The following ATF1 variants were observed in gnomAD, a reference collection of about 807,000 sequenced individuals.
ATF1 encodes the protein cyclic AMP-dependent transcription factor ATF-1.
ATF1 carries 16 observed loss-of-function variants against 34.7 expected under a neutral mutation model. That is an observed-to-expected ratio of 0.46 (90% CI 0.31 to 0.70). ATF1 has a LOEUF of 0.70. ATF1 is among the 30% of genes least tolerant of loss of function. The probability of loss-of-function intolerance (pLI) is 0.05; values close to 1 mark genes in which losing one functional copy is unlikely to be tolerated. For missense variants in ATF1, 255 were observed against 321.6 expected (o/e 0.79, Z 1.58); for synonymous variants, 105 against 113.1 (o/e 0.93, Z 0.46).
chr12:50,806,057 A>G (rs747614587), intron 3 of ATF1, among the ~76,000 whole-genome samples: 1 of 151,368 alleles, frequency 6.6e-6, no homozygotes, highest in Non-Finnish European at 1.5e-5. Flanking sequence ...AGGCTGAGGC[A>G]GGAGAATTGC....
intron 1 of ATF1, among the ~76,000 whole-genome samples, chr12:50,767,800 T>TACTCTAG (rs1277397974): frequency 1.3e-5 from 2 of 152,134 alleles, no homozygotes; most frequent in Non-Finnish European, 2.9e-5. Context: ...CAAAATTAAC[T>TACTCTAG]ACTCTAGACT....
intron 1 of ATF1, among the ~76,000 whole-genome samples, chr12:50,766,959 C>T (rs910121130): frequency 6.6e-6 from 1 of 152,154 alleles, no homozygotes; most frequent in Admixed American, 6.5e-5. Flanking sequence ...TTAAGCCTTG[C>T]TAGTTTGATA....
In ATF1 at chr12:50,771,838, C is replaced by T. The variant is rs374449068; in HGVS notation, c.-7+7531C>T. Among the ~76,000 whole-genome samples, 6 of 152,270 alleles carry T rather than the reference C, an allele frequency of 3.9e-5. No individual in the cohort carries two copies. The East Asian group carries it at 9.6e-4, about 24-fold the overall frequency. ...GGCCACGAGAGTGACCTCTGGTCGT[C>T]GTCACTGCTGTGCTCCCACCAGCGC... On this transcript the variant is annotated intron_variant, in intron 1 of 6. Coordinates refer to ENST00000262053, the MANE Select transcript of ATF1 (RefSeq NM_005171.5).
intron 1 of ATF1, among the ~76,000 whole-genome samples, chr12:50,771,659 G>A (rs1940774114): frequency 6.6e-6 from 1 of 152,154 alleles, no homozygotes; most frequent in Non-Finnish European, 1.5e-5. Flanking sequence ...TGGGTAAAAT[G>A]AGGCTAAAAC....
At position 50,784,316 on chromosome 12, in the gene ATF1, G is replaced by A. The variant is rs566960282; in HGVS notation, c.93+4078G>A. On this transcript the variant is annotated intron_variant, in intron 2 of 6. Transcript: ENST00000262053. ...AACAAAACCTATCAGTTGGTAATAT[G>A]TGCCATGGAGACAAATAAAGCAGGA... is the stretch of plus-strand genomic sequence containing the variant. Among the ~76,000 whole-genome samples the A allele has an allele frequency of 6.6e-5, 10 of 152,306 alleles. No individual in the cohort carries two copies. The South Asian group carries it at 2.1e-3, about 32-fold the overall frequency.
At chr12:50,796,587 G>T (rs1426300205) in intron 3 of ATF1, among the ~76,000 whole-genome samples, 1 of 151,942 alleles carries the variant, frequency 6.6e-6, no homozygotes, top group African/African-American at 2.4e-5. Flanking sequence ...TGTAATCCCA[G>T]CTACTTGGGA....
chr12:50,813,485 A>G (rs1342812996), intron 4 of ATF1, among the ~76,000 whole-genome samples: 2 of 152,296 alleles, frequency 1.3e-5, no homozygotes, highest in South Asian at 2.1e-4. Context: ...ATTACAAACT[A>G]TGTTTATGTT....
In ATF1 at chr12:50,814,374, C is replaced by T. The variant is rs1403206640; in HGVS notation, c.606C>T (p.Leu202=). 2 of 1,614,122 alleles carry T rather than the reference C, an allele frequency of 1.2e-6. No individual in the cohort carries two copies. The highest frequency in any genetic ancestry group is 1.7e-5 in the Admixed American group (1 of 60,020). ...QTVVMTSPVT[L]TSQTTKTDDP... is the part of the protein sequence containing the mutation. ...TGGTGATGACATCTCCTGTGACTCTCACCTCTCAGACAACTAAGACAGATG... is the reference window on the plus strand; with the variant it reads ...TGGTGATGACATCTCCTGTGACTCTTACCTCTCAGACAACTAAGACAGATG... Residue 202 remains leucine (L), a synonymous_variant, in exon 6 of 7, where the codon CTC becomes CTT. Coordinates refer to ENST00000262053, the MANE Select transcript of ATF1 (RefSeq NM_005171.5).
rs113868401 is a variant in ATF1 at position 50,786,638 on chromosome 12, T to C, written c.93+6400T>C. Among the ~76,000 whole-genome samples, 23 of 152,270 alleles carry C rather than the reference T, an allele frequency of 1.5e-4. 1 individual carries two copies. The highest frequency in any genetic ancestry group is 4.6e-4 in the African/African-American group (19 of 41,566). ...AAAAGGAAATAAACCCAGTTTTCCA[T>C]TGTGTCTGGGAAAAGTAAAAAGAAA... On this transcript the variant is annotated intron_variant, in intron 2 of 6. Transcript: ENST00000262053.
At chr12:50,780,268 C>A in intron 2 of ATF1, 30 bp downstream of exon 2, 2 of 1,484,722 alleles carry the variant, frequency 1.3e-6, no homozygotes, top group Admixed American at 1.7e-5. Flanking sequence ...AAATACTGAG[C>A]TTGTTAGGAA....
intron 1 of ATF1, among the ~76,000 whole-genome samples, chr12:50,777,651 T>C (rs1400903558): frequency 1.3e-5 from 2 of 151,742 alleles, no homozygotes; most frequent in African/African-American, 4.8e-5. Context: ...CATGGTGGTA[T>C]GCACCTGTAG....
At chr12:50,790,430 T>TC (rs1941278397) in intron 2 of ATF1, among the ~76,000 whole-genome samples, 1 of 152,130 alleles carries the variant, frequency 6.6e-6, no homozygotes, top group African/African-American at 2.4e-5. Flanking sequence ...GGTCTTGAAC[T>TC]CCTGGGCTTC....
At position 50,809,723 on chromosome 12, in the gene ATF1, C is replaced by T. The variant is rs79399012; in HGVS notation, c.328+134C>T. Reference sequence around the variant, plus strand: ...AGGATGTTTTCAGCCAGGAATAATGCGAAGTACTGTTTCAGCATTATTTAC... The same window carrying T: ...AGGATGTTTTCAGCCAGGAATAATGTGAAGTACTGTTTCAGCATTATTTAC... On this transcript the variant is annotated intron_variant, in intron 4 of 6. Coordinates refer to ENST00000262053, the MANE Select transcript of ATF1 (RefSeq NM_005171.5). 3.6e-4 allele frequency: 348 copies of T among 970,928 alleles called. 3 individuals are homozygous for T. In the African/African-American group the frequency reaches 5.0e-3, roughly 14 times the overall value. The allele number at this position is 970,928 out of a possible 1,614,324, so 60.1% of individuals were successfully genotyped here.
At chr12:50,797,825 C>T (rs1165977852) in intron 3 of ATF1, among the ~76,000 whole-genome samples, 1 of 152,138 alleles carries the variant, frequency 6.6e-6, no homozygotes, top group Non-Finnish European at 1.5e-5. Flanking sequence ...TCTGTGCCTA[C>T]TGAACAGTCT....
In ATF1 at chr12:50,809,602, A is replaced by G. The variant is rs1360792866; in HGVS notation, c.328+13A>G. 2 of 1,598,560 alleles carry G rather than the reference A, an allele frequency of 1.3e-6. No individual in the cohort carries two copies. Among genetic ancestry groups the G allele is most frequent in the Non-Finnish European group, 8.5e-7 (1 of 1,172,144 alleles). On this transcript the variant is annotated intron_variant, in intron 4 of 6. Transcript: ENST00000262053. ...AGCGGACAGTACAGTATGTATAGGA[A>G]TCAGTTTCCACATTATAAACACACA...
At chr12:50,778,224 CTTT>C (rs71086479) in intron 1 of ATF1, among the ~76,000 whole-genome samples, 3 of 96,386 alleles carry the variant, frequency 3.1e-5, no homozygotes. Flanking sequence ...CCATATTAAC[CTTT>C]TTTTTTTTTT....
chr12:50,806,474 G>T (rs949392035), intron 3 of ATF1: 5 of 290,464 alleles, frequency 1.7e-5, no homozygotes, highest in Non-Finnish European at 3.9e-5. Flanking sequence ...CTTTGCTCCA[G>T]CAGATCCATG....
At chr12:50,794,975 A>G (rs1941382499) in intron 2 of ATF1, among the ~76,000 whole-genome samples, 3 of 152,214 alleles carry the variant, frequency 2.0e-5, no homozygotes, top group African/African-American at 7.2e-5. Flanking sequence ...TGTTTTCTCA[A>G]TTGTAAAATA....
intron 3 of ATF1, chr12:50,806,295 A>G: frequency 1.1e-5 from 4 of 364,856 alleles, no homozygotes; most frequent in Non-Finnish European, 5.9e-6. Context: ...ACGCAGCACA[A>G]CTTATCCTGT....
Sources: allele counts gnomAD v4.1 joint callset (sites outside exome capture counted in the v4.1 genomes callset), GRCh38; gene constraint gnomAD v4.1.1; transcripts MANE v1.5; gene names NCBI Gene and HGNC (gene_info 2026-07-23, HGNC 2026-07-21).